PC: variants seen among roughly 807,000 people sequenced by gnomAD.
PC encodes the protein pyruvate carboxylase, also known as pyruvate carboxylase, mitochondrial.
In PC, 46 loss-of-function variants were observed where a neutral mutation model predicts 107.8. The observed-to-expected ratio is 0.43, with a 90% confidence interval of 0.34 to 0.55. The LOEUF (loss-of-function observed/expected upper bound fraction) is 0.55, where lower values mean the gene tolerates loss of function less well. Ranked by LOEUF, PC falls within the 20% of genes least tolerant of loss-of-function variation. The pLI, the probability that PC is intolerant of heterozygous loss-of-function variation, is 0.04. For missense variants in PC, 1,241 were observed against 1,643.1 expected, an observed-to-expected ratio of 0.76 and a Z score of 4.23; for synonymous variants, 662 against 684.7, an observed-to-expected ratio of 0.97 and a Z score of 0.52.
chr11:66,934,677 G>T (rs912076579), intron 3 of PC, among the ~76,000 whole-genome samples: 3 of 152,164 alleles, frequency 2.0e-5, no homozygotes, highest in African/African-American at 2.4e-5. Flanking sequence ...TGTTGCCCAG[G>T]CTGGGGTGCA....
Position 66,853,528 on chromosome 11 carries a change from G to A in PC, c.1369-145C>T, listed in dbSNP as rs983595275. On this transcript the variant is annotated intron_variant, in intron 12 of 22. Transcript: ENST00000393960. ...CCTCCCTGCAGAGGGGCACTTCCCC[G>A]TCCCTCAGCCCTCTCCTCACTCCAG... The A allele has an allele frequency of 3.8e-5, 36 of 941,418 alleles. 1 individual carries two copies. In the Middle Eastern group the frequency reaches 1.9e-3, roughly 50 times the overall value. The allele number at this position is 941,418 out of a possible 1,614,324, so 58.3% of individuals were successfully genotyped here.
chr11:66,869,600 C>T (rs907259620), intron 9 of PC, among the ~76,000 whole-genome samples: 2 of 152,166 alleles, frequency 1.3e-5, no homozygotes, highest in Admixed American at 1.3e-4. Flanking sequence ...CGACCCTGGT[C>T]GATGCCTCGC....
chr11:66,911,652 G>A (rs374643519), intron 3 of PC, among the ~76,000 whole-genome samples: 1 of 152,022 alleles, frequency 6.6e-6, no homozygotes, highest in East Asian at 1.9e-4. Flanking sequence ...GGCGTAAAGA[G>A]GAAGAGATTA....
At position 66,858,829 on chromosome 11, in the gene PC, C is replaced by T. The variant is rs1946050281; in HGVS notation, c.1368+4945G>A. On this transcript the variant is annotated intron_variant, in intron 12 of 22. Coordinates refer to ENST00000393960, the MANE Select transcript of PC (RefSeq NM_001040716.2). This position sits in a 1 kb window ranked among gnomAD's most constrained non-coding sequence, Gnocchi z 5.9. ...ACCAACCCTGCTGGTGAGGCCACAG[C>T]CCGAGTAGAACTGCGGGTGCTGGCC... 2 of 1,551,062 alleles carry T rather than the reference C, an allele frequency of 1.3e-6. No individual in the cohort carries two copies. The highest frequency in any genetic ancestry group is 8.7e-7 in the Non-Finnish European group (1 of 1,148,902).
chr11:66,915,756 C>T (rs147605154), intron 3 of PC, among the ~76,000 whole-genome samples: 133 of 152,328 alleles, frequency 8.7e-4, no homozygotes, highest in African/African-American at 3.1e-3. Flanking sequence ...CTCACGCTAA[C>T]GTAACAGAGA....
At chr11:66,948,626 G>A (rs1335708393) in intron 3 of PC, among the ~76,000 whole-genome samples, 2 of 152,192 alleles carry the variant, frequency 1.3e-5, no homozygotes, top group African/African-American at 2.4e-5. Context: ...GATTGCTTGA[G>A]CTCAGGAGTT....
At chr11:66,853,090 A>C in intron 13 of PC, 149 bp downstream of exon 13, 1 of 861,518 alleles carries the variant, frequency 1.2e-6, no homozygotes, top group Non-Finnish European at 1.8e-6. Flanking sequence ...GGTGCAGGAC[A>C]AGAGGACGCA....
intron 3 of PC, among the ~76,000 whole-genome samples, chr11:66,930,885 T>C (rs1334635680): frequency 6.6e-6 from 1 of 151,776 alleles, no homozygotes. Context: ...TGGAAAGCTC[T>C]ACGGCAGTGA....
intron 1 of PC, among the ~76,000 whole-genome samples, chr11:66,954,663 G>C (rs1234894958): frequency 1.3e-5 from 2 of 152,236 alleles, no homozygotes; most frequent in Non-Finnish European, 2.9e-5. Flanking sequence ...GTTGACCAGA[G>C]GCCGGGTGCA....
At chr11:66,859,120 T>C in intron 12 of PC, 1 of 1,476,172 alleles carries the variant, frequency 6.8e-7, no homozygotes. Context: ...CACACCCGGC[T>C]GCACTCCCGG....
rs1340322630 is a variant in PC at position 66,944,127 on chromosome 11, A to C, written c.-1+8303T>G. 5.3e-5 allele frequency among the ~76,000 whole-genome samples: 6 copies of C among 113,664 alleles called. 2 individuals carry two copies. The highest frequency in any genetic ancestry group is 4.2e-4 in the Admixed American group (5 of 12,014). The allele number at this position is 113,664 out of a possible 152,430, so 74.6% of individuals were successfully genotyped here. A position where few individuals can be genotyped will look rare whatever the true frequency, so the allele number is the denominator to read the frequency against. The stretch of plus-strand genomic sequence containing the variant: ...AAACTCCGTCTCCAATAAAAATACA[A>C]AAAATTAGCCGGGTGTGATGGTGGG... On this transcript the variant is annotated intron_variant, in intron 3 of 22. Transcript: ENST00000393960.
chr11:66,858,218 G>T lies in PC; in HGVS notation c.1369-4835C>A, dbSNP rs1426942030. 1 of 1,612,450 alleles carries T rather than the reference G, an allele frequency of 6.2e-7. No individual in the cohort carries two copies. Among genetic ancestry groups the T allele is most frequent in the Non-Finnish European group, 8.5e-7 (1 of 1,179,900 alleles). On this transcript the variant is annotated intron_variant, in intron 12 of 22. Coordinates refer to ENST00000393960, the MANE Select transcript of PC (RefSeq NM_001040716.2). This position sits in a 1 kb window ranked among gnomAD's most constrained non-coding sequence, Gnocchi z 5.9. ...TGGACCTGTCCTACAACAACCTCCG[G>T]CAGGTGCCCTGGGCCGGCATCGGCG...
At chr11:66,913,646 GA>G (rs1249514976) in intron 3 of PC, among the ~76,000 whole-genome samples, 1 of 132,716 alleles carries the variant, frequency 7.5e-6, no homozygotes, top group Non-Finnish European at 1.6e-5. Flanking sequence ...TAGGCAACAA[GA>G]GAGAAACTCT....
At chr11:66,938,322 G>T (rs1443585449) in intron 3 of PC, among the ~76,000 whole-genome samples, 1 of 151,952 alleles carries the variant, frequency 6.6e-6, no homozygotes, top group Non-Finnish European at 1.5e-5. Context: ...AATCATTTTT[G>T]CCAGTTTTCT....
intron 11 of PC, 109 bp from the exon 12 acceptor site, chr11:66,864,065 C>T (rs1045749161): frequency 4.6e-6 from 5 of 1,090,560 alleles, no homozygotes; most frequent in African/African-American, 1.5e-5. Flanking sequence ...GAGAGCAGAG[C>T]GTGGGGTGTC....
chr11:66,856,083 C>A (rs1945797764), intron 12 of PC, among the ~76,000 whole-genome samples: 3 of 152,314 alleles, frequency 2.0e-5, no homozygotes, highest in Admixed American at 1.3e-4. Flanking sequence ...TGGAAGGAAA[C>A]CAGGCTCGCC....
At position 66,893,168 on chromosome 11, in the gene PC, G is replaced by A. The variant is rs117205025; in HGVS notation, c.1-21009C>T. On this transcript the variant is annotated intron_variant, in intron 3 of 22. Transcript: ENST00000393960. ...ACCCCAGGGCACGACTCACTCCCAC[G>A]GGCTTGCCTGACTCCAGCTCTGTGC... 2.3e-3 allele frequency among the ~76,000 whole-genome samples: 351 copies of A among 152,290 alleles called. 5 individuals carry two copies. The East Asian group carries it at 0.033, about 14-fold the overall frequency.
At chr11:66,860,130 C>T in intron 12 of PC, 1 of 1,549,924 alleles carries the variant, frequency 6.5e-7, no homozygotes. Flanking sequence ...GCATGGGGGG[C>T]TGCTCGGGGC....
chr11:66,896,424 A>C (rs950111957), intron 3 of PC, among the ~76,000 whole-genome samples: 2 of 152,232 alleles, frequency 1.3e-5, no homozygotes, highest in African/African-American at 2.4e-5. Context: ...CCATGTATGA[A>C]AGTAAAATAA....
Sources: gnomAD v4.1 joint callset for allele counts (sites outside exome capture counted in the v4.1 genomes callset) on GRCh38, gnomAD v4.1.1 for gene constraint, Gnocchi (gnomAD v3.1) non-coding constraint, MANE v1.5 for transcripts, NCBI Gene and HGNC (gene_info 2026-07-23, HGNC 2026-07-21) for gene names.